The following UHRF1 variants were observed in gnomAD, a reference collection of about 807,000 sequenced individuals.
The protein encoded by UHRF1 is E3 ubiquitin-protein ligase UHRF1.
In UHRF1, 9 loss-of-function variants were observed where a neutral mutation model predicts 96.5. That is an observed-to-expected ratio of 0.09 (90% CI 0.06 to 0.16). UHRF1 has a LOEUF of 0.16. Ranked by LOEUF, UHRF1 falls within the 10% of genes least tolerant of loss-of-function variation. The pLI is 1.00. For missense variants in UHRF1, 626 were observed against 1,131.1 expected, an observed-to-expected ratio of 0.55 and a Z score of 6.40; for synonymous variants, 455 against 469.9, an observed-to-expected ratio of 0.97 and a Z score of 0.41.
At chr19:4,927,087 C>G (rs1391994045) in intron 2 of UHRF1, among the ~76,000 whole-genome samples, 2 of 148,416 alleles carry the variant, frequency 1.3e-5, no homozygotes, top group East Asian at 4.0e-4. Flanking sequence ...CAAAACAAAA[C>G]AAAAAAAAAC....
intron 2 of UHRF1, among the ~76,000 whole-genome samples, chr19:4,916,394 C>T (rs574173389): frequency 9.9e-5 from 15 of 152,218 alleles, no homozygotes; most frequent in South Asian, 4.1e-4. Context: ...GTCAACATGG[C>T]GGAGCCGTCC....
At chr19:4,931,921 C>T (rs1206279364) in intron 4 of UHRF1, among the ~76,000 whole-genome samples, 1 of 152,126 alleles carries the variant, frequency 6.6e-6, no homozygotes, top group Non-Finnish European at 1.5e-5. Flanking sequence ...CCACTGCGCC[C>T]AGCTAATTTT....
chr19:4,947,171 G>A lies in UHRF1; in HGVS notation c.1477G>A (p.Ala493Thr). 6.2e-7 allele frequency: 1 copy of A among 1,613,582 alleles called. No homozygotes were observed. Among genetic ancestry groups the A allele is most frequent in the Non-Finnish European group, 8.5e-7 (1 of 1,179,732 alleles). Residue 493 changes from alanine to threonine, a missense_variant, in exon 11 of 17, where the codon GCG becomes ACG. Ala to Thr is a moderately conservative substitution (Grantham distance 58). Around this residue, in one of 11 missense-constraint regions of UHRF1, gnomAD observed 61 missense variants for 199.2 expected, o/e 0.31. Coordinates refer to ENST00000650932, the MANE Select transcript of UHRF1 (RefSeq NM_001048201.3). The part of the protein sequence containing the change: ...GRDLSGNKRT[A>T]EQSCDQKLTN... ...AGATCTTTCCGGCAACAAGAGGACC[G>A]CGGAACAGTCTTGTGATCAGAAACT...
chr19:4,931,851 C>G (rs1007174235), intron 4 of UHRF1, among the ~76,000 whole-genome samples: 4 of 152,202 alleles, frequency 2.6e-5, no homozygotes, highest in African/African-American at 7.2e-5. Context: ...CCCTCCATCT[C>G]CCGGGTTCAA....
At chr19:4,956,877 C>G in intron 16 of UHRF1, 64 bp downstream of exon 16, 10 of 1,126,208 alleles carry the variant, frequency 8.9e-6, no homozygotes, top group Non-Finnish European at 1.3e-5. Context: ...ACCTCCCGTT[C>G]CCACATGCCT....
chr19:4,916,163 G>A (rs2032491213), intron 2 of UHRF1, among the ~76,000 whole-genome samples: 1 of 152,086 alleles, frequency 6.6e-6, no homozygotes, highest in East Asian at 1.9e-4. Context: ...AAAATTAGCC[G>A]GGCATGGTGG....
chr19:4,941,080 GTTTTGTTTTTTTTTT>G, intron 5 of UHRF1, among the ~76,000 whole-genome samples: 1 of 112,846 alleles, frequency 8.9e-6, no homozygotes, highest in South Asian at 2.9e-4. Flanking sequence ...TGGTTTCTGT[GTTTTGTTTTTTTTTT>G]TTTTTTTTTT....
At chr19:4,916,602 C>T (rs1165438146) in intron 2 of UHRF1, among the ~76,000 whole-genome samples, 3 of 152,202 alleles carry the variant, frequency 2.0e-5, no homozygotes, top group East Asian at 1.9e-4. Flanking sequence ...GCCCTCCACC[C>T]GTCCTGTGTG....
chr19:4,929,247 A>C lies in UHRF1; in HGVS notation c.179A>C (p.Asp60Ala). The C allele has an allele frequency of 6.2e-7, 1 of 1,613,854 alleles. No homozygotes were observed. Among genetic ancestry groups the C allele is most frequent in the Non-Finnish European group, 8.5e-7 (1 of 1,179,852 alleles). ...ATGGAGGACGGCCATACCCTCTTCG[A>C]CTACGAGGTCCGCCTGAATGACACC... is the stretch of plus-strand genomic sequence containing the variant. ...KQMEDGHTLF[D>A]YEVRLNDTIQ... The change falls in exon 3 of 17, where the codon GAC becomes GCC. Residue 60 changes from aspartate (D) to alanine (A), a missense_variant. Coordinates refer to ENST00000650932, the MANE Select transcript of UHRF1 (RefSeq NM_001048201.3).
Position 4,910,929 on chromosome 19 carries a change from C to G in UHRF1, c.44C>G (p.Thr15Arg), listed in dbSNP as rs1329156864. 1 of 1,613,438 alleles carries G rather than the reference C, an allele frequency of 6.2e-7. No individual in the cohort carries two copies. The highest frequency in any genetic ancestry group is 8.5e-7 in the Non-Finnish European group (1 of 1,179,628). The part of the protein sequence containing the change: ...VRTMDGRQTH[T>R]VDSLSRLTKV... ...ACCATGGACGGGAGGCAGACCCACA[C>G]GGTGGACTCGCTGTCCAGGCTGACC... Residue 15 changes from threonine to arginine, a missense_variant, in exon 2 of 17, where the codon ACG (threonine) becomes AGG (arginine). Thr to Arg is a moderately conservative substitution (Grantham distance 71). Transcript: ENST00000650932.
intron 5 of UHRF1, among the ~76,000 whole-genome samples, chr19:4,936,463 A>T (rs2033219219): frequency 6.6e-6 from 1 of 152,078 alleles, no homozygotes; most frequent in African/African-American, 2.4e-5. Context: ...TGGGATTGGG[A>T]GGCTCAGATA....
chr19:4,949,052 A>G lies in UHRF1; in HGVS notation c.1518-1559A>G, dbSNP rs529500089. On this transcript the variant is annotated intron_variant, in intron 11 of 16. Coordinates refer to ENST00000650932, the MANE Select transcript of UHRF1 (RefSeq NM_001048201.3). ...CGGGAGGCTGAGGCAGGAGAATGTC[A>G]TGAACCTGGGAGGCGGAGCTTGCAG... Among the ~76,000 whole-genome samples, 133 of 150,170 alleles carry G rather than the reference A, an allele frequency of 8.9e-4. 2 individuals carry two copies. The highest frequency in any genetic ancestry group is 3.2e-3 in the African/African-American group (129 of 40,794).
intron 11 of UHRF1, among the ~76,000 whole-genome samples, chr19:4,948,287 T>C (rs562745409): frequency 3.9e-5 from 6 of 152,170 alleles, no homozygotes; most frequent in South Asian, 4.1e-4. Flanking sequence ...TAGGCCAGAA[T>C]TTGCTTGGCC....
intron 10 of UHRF1, 112 bp from the exon 11 acceptor site, chr19:4,946,993 T>C (rs944522353): frequency 1.4e-5 from 11 of 811,610 alleles, no homozygotes; most frequent in Non-Finnish European, 1.8e-5. Context: ...CCAACGCTTG[T>C]TATTTTCTGT....
At chr19:4,909,796 C>T (rs2032178712) in intron 1 of UHRF1, 141 bp downstream of exon 1, 1 of 447,900 alleles carries the variant, frequency 2.2e-6, no homozygotes, top group African/African-American at 2.1e-5. Context: ...TCCCCTTCCA[C>T]CTAACCCTCG....
intron 5 of UHRF1, among the ~76,000 whole-genome samples, chr19:4,936,127 C>A (rs1042949870): frequency 1.3e-5 from 2 of 152,150 alleles, no homozygotes; most frequent in African/African-American, 4.8e-5. Flanking sequence ...GGAAAGGGAA[C>A]AGGTGCTCGG....
intron 11 of UHRF1, among the ~76,000 whole-genome samples, chr19:4,947,488 A>ATTTTTTTTT (rs1568427975): frequency 4.3e-4 from 30 of 70,332 alleles, no homozygotes; most frequent in Admixed American, 8.5e-4. Flanking sequence ...GATAATAGAT[A>ATTTTTTTTT]TCTTTTTTTT....
chr19:4,947,490 C>CTTTTTTTTTTTTTTTT lies in UHRF1; in HGVS notation c.1517+293_1517+308dup, dbSNP rs985069179. On this transcript the variant is annotated intron_variant, in intron 11 of 16. Transcript: ENST00000650932. ...CTATAAAAGGCCAGATAATAGATAT[C>CTTTTTTTTTTTTTTTT]TTTTTTTTTTTTTTTTTTTTTTTTT... Among the ~76,000 whole-genome samples the CTTTTTTTTTTTTTTTT allele has an allele frequency of 8.6e-4, 50 of 57,888 alleles. 10 individuals are homozygous for CTTTTTTTTTTTTTTTT. The highest frequency in any genetic ancestry group is 8.7e-4 in the Non-Finnish European group (28 of 32,216). 38.0% of individuals were successfully genotyped at this position (57,888 alleles called of 152,430 possible).
intron 11 of UHRF1, among the ~76,000 whole-genome samples, chr19:4,949,044 A>T (rs997925620): frequency 2.7e-5 from 4 of 150,048 alleles, no homozygotes; most frequent in African/African-American, 9.8e-5. Context: ...CTGAGGCAGG[A>T]GAATGTCATG....
Sources: allele counts gnomAD v4.1 joint callset (sites outside exome capture counted in the v4.1 genomes callset), GRCh38; gene constraint gnomAD v4.1.1; regional missense constraint gnomAD v4.1.1; transcripts MANE v1.5; gene names NCBI Gene and HGNC (gene_info 2026-07-23, HGNC 2026-07-21).